The following TSPAN5 variants were observed in gnomAD, a reference collection of about 807,000 sequenced individuals.
TSPAN5 encodes the protein tetraspanin 5.
TSPAN5 carries 10 observed loss-of-function variants against 37.1 expected under a neutral mutation model. The ratio of observed to expected loss-of-function variants is 0.27; its 90% confidence interval spans 0.17 to 0.46. The LOEUF (loss-of-function observed/expected upper bound fraction) is 0.46. TSPAN5 is among the 20% of genes least tolerant of loss of function. The pLI, the probability that TSPAN5 is intolerant of heterozygous loss-of-function variation, is 1.00. For missense variants in TSPAN5, 195 were observed against 326.6 expected, an observed-to-expected ratio of 0.60 and a Z score of 3.11; for synonymous variants, 110 against 118.9, an observed-to-expected ratio of 0.93 and a Z score of 0.48.
In TSPAN5 at chr4:98,620,924, C is replaced by G. The variant is rs181816722; in HGVS notation, c.81+37222G>C. On this transcript the variant is annotated intron_variant, in intron 1 of 7. Transcript: ENST00000305798. ...ATAAAAGTCACTGTTATGGGTTGAA[C>G]TGCATATCCCCAAAATTCACATATT... Among the ~76,000 whole-genome samples the G allele has an allele frequency of 1.8e-4, 28 of 152,286 alleles. No homozygotes were observed. The East Asian group carries it at 5.2e-3, about 28-fold the overall frequency.
intron 5 of TSPAN5, among the ~76,000 whole-genome samples, chr4:98,476,661 C>T (rs908909098): frequency 1.3e-5 from 2 of 152,104 alleles, no homozygotes; most frequent in African/African-American, 4.8e-5. Flanking sequence ...TTAAAATATG[C>T]CCTATTTTAC....
At chr4:98,566,235 G>T (rs1755001418) in intron 1 of TSPAN5, among the ~76,000 whole-genome samples, 2 of 151,632 alleles carry the variant, frequency 1.3e-5, no homozygotes, top group Admixed American at 1.3e-4. Context: ...CAGAGCCCAA[G>T]CAGAACAAGA....
Position 98,658,219 on chromosome 4 carries a change from C to G in TSPAN5, c.8G>C (p.Gly3Ala), listed in dbSNP as rs1487551930. Residue 3 changes from glycine to alanine, a missense_variant, in exon 1 of 8, where the codon GGG (glycine) becomes GCG (alanine). Physicochemically the swap from Gly to Ala is moderately conservative, Grantham distance 60. Transcript: ENST00000305798. ...GACTTCAGGACCCTTGTAGTGCTTC[C>G]CGGACATCCTCTGGGTTCATGAAGA... is the stretch of plus-strand genomic sequence containing the variant. MS[G>A]KHYKGPEVSC... is the part of the protein sequence containing the mutation. 1 of 1,613,882 alleles carries G rather than the reference C, an allele frequency of 6.2e-7. No individual in the cohort carries two copies. Among genetic ancestry groups the G allele is most frequent in the African/African-American group, 1.3e-5 (1 of 74,936 alleles).
chr4:98,658,017 G>C, intron 1 of TSPAN5, 129 bp downstream of exon 1: 1 of 811,160 alleles, frequency 1.2e-6, no homozygotes, highest in Non-Finnish European at 2.2e-6. Flanking sequence ...GGCGGAAGGC[G>C]AATGCCTCTA....
intron 1 of TSPAN5, among the ~76,000 whole-genome samples, chr4:98,530,867 G>A (rs944230552): frequency 1.3e-5 from 2 of 152,038 alleles, no homozygotes; most frequent in Non-Finnish European, 2.9e-5. Flanking sequence ...TCATCCTCCT[G>A]AGTAGCTGGG....
intron 2 of TSPAN5, among the ~76,000 whole-genome samples, chr4:98,491,580 C>G (rs1247154035): frequency 1.3e-5 from 2 of 151,624 alleles, no homozygotes; most frequent in Admixed American, 1.3e-4. Flanking sequence ...CCCAGCTACT[C>G]GAGAGGCTGA....
chr4:98,485,003 C>T (rs1202626047), intron 3 of TSPAN5: 2 of 162,002 alleles, frequency 1.2e-5, no homozygotes, highest in Non-Finnish European at 2.7e-5. Flanking sequence ...ATCCCAGCTA[C>T]CCGGGAGGCT....
At chr4:98,502,270 A>G (rs1255791657) in intron 2 of TSPAN5, among the ~76,000 whole-genome samples, 1 of 152,176 alleles carries the variant, frequency 6.6e-6, no homozygotes, top group Non-Finnish European at 1.5e-5. Flanking sequence ...GGAAGCAAAA[A>G]TATTCATTTG....
intron 1 of TSPAN5, among the ~76,000 whole-genome samples, chr4:98,621,225 A>T (rs1216822837): frequency 2.0e-5 from 3 of 152,184 alleles, no homozygotes; most frequent in African/African-American, 7.2e-5. Context: ...TCTCCCTACA[A>T]CCATCAGTAG....
intron 1 of TSPAN5, among the ~76,000 whole-genome samples, chr4:98,647,248 C>T (rs1253921327): frequency 1.3e-5 from 2 of 152,144 alleles, no homozygotes; most frequent in African/African-American, 2.4e-5. Flanking sequence ...TACAACTATA[C>T]CTTAAAAGAG....
chr4:98,477,913 G>C (rs1752743849), intron 5 of TSPAN5, among the ~76,000 whole-genome samples: 1 of 152,108 alleles, frequency 6.6e-6, no homozygotes. Flanking sequence ...TCCCACCTCA[G>C]CCTGCCAAAG....
chr4:98,598,231 C>A (rs1235001064), intron 1 of TSPAN5, among the ~76,000 whole-genome samples: 2 of 142,000 alleles, frequency 1.4e-5, no homozygotes, highest in Non-Finnish European at 3.0e-5. Context: ...TTCTTTGACT[C>A]GGAAAGGGAA....
At chr4:98,640,773 G>A (rs1241663279) in intron 1 of TSPAN5, among the ~76,000 whole-genome samples, 3 of 152,156 alleles carry the variant, frequency 2.0e-5, no homozygotes, top group Non-Finnish European at 4.4e-5. Flanking sequence ...AAAGTTGAGG[G>A]TCCGGACACT....
At chr4:98,587,092 A>T (rs1755506254) in intron 1 of TSPAN5, among the ~76,000 whole-genome samples, 1 of 152,258 alleles carries the variant, frequency 6.6e-6, no homozygotes, top group Admixed American at 6.5e-5. Context: ...GATGGCCAGC[A>T]TGCAGCGCAG....
At chr4:98,604,432 G>A (rs189829520) in intron 1 of TSPAN5, among the ~76,000 whole-genome samples, 10 of 152,294 alleles carry the variant, frequency 6.6e-5, no homozygotes, top group Admixed American at 1.3e-4. Context: ...CTGCATCCTT[G>A]ACACGGTGCT....
chr4:98,540,056 C>A (rs1351567711), intron 1 of TSPAN5, among the ~76,000 whole-genome samples: 1 of 152,148 alleles, frequency 6.6e-6, no homozygotes, highest in Non-Finnish European at 1.5e-5. Context: ...AGCTTGACTG[C>A]AACTCCATGA....
At chr4:98,648,589 A>G (rs1757117708) in intron 1 of TSPAN5, among the ~76,000 whole-genome samples, 2 of 152,228 alleles carry the variant, frequency 1.3e-5, no homozygotes, top group South Asian at 2.1e-4. Context: ...TTTTGTTTTT[A>G]GGGCTTTCAG....
chr4:98,579,053 C>T (rs1363492245), intron 1 of TSPAN5, among the ~76,000 whole-genome samples: 8 of 152,138 alleles, frequency 5.3e-5, no homozygotes, highest in Admixed American at 1.3e-4. Flanking sequence ...AATAGGAAGA[C>T]GTGCTGGATG....
At chr4:98,607,540 T>TA (rs1346509028) in intron 1 of TSPAN5, among the ~76,000 whole-genome samples, 12 of 152,188 alleles carry the variant, frequency 7.9e-5, no homozygotes. Flanking sequence ...TAGCCTAAGT[T>TA]ATTTGGCATG....
Sources: allele counts gnomAD v4.1 joint callset (sites outside exome capture counted in the v4.1 genomes callset), GRCh38; gene constraint gnomAD v4.1.1; transcripts MANE v1.5; gene names NCBI Gene and HGNC (gene_info 2026-07-23, HGNC 2026-07-21).